Variants in MTSS2 observed in about 807,000 individuals in gnomAD.
The protein encoded by MTSS2 is protein MTSS 2.
A neutral mutation model predicts 67.1 loss-of-function variants in MTSS2; 27 were observed. That is an observed-to-expected ratio of 0.40 (90% CI 0.30 to 0.55). MTSS2 has a LOEUF of 0.55. Among genes scored for constraint, MTSS2 ranks in the 20% least tolerant of loss-of-function variants. The probability of loss-of-function intolerance (pLI) is 0.43; values close to 1 mark genes in which losing one functional copy is unlikely to be tolerated. For missense variants in MTSS2, 1,171 were observed against 1,067.8 expected (o/e 1.10, Z -1.35); for synonymous variants, 624 against 468.6 (o/e 1.33, Z -4.28).
chr16:70,678,260 G>A lies in MTSS2; in HGVS notation c.616C>T (p.Pro206Ser). ...GTCCCCAGGAGTCCCACCACCACAG[G>A]CTGCAGGAAGGTGATGAAGGTGCAG... ...RFCTFITFLQ[P>S]VVNGELTMLG... The change falls in exon 8 of 15, where the codon CCT (proline) becomes TCT (serine). Residue 206 changes from proline to serine, a missense_variant. Physicochemically the swap from Pro to Ser is moderately conservative, Grantham distance 74. Around this residue, in one of 2 missense-constraint regions of MTSS2, gnomAD observed 247 missense variants for 311.8 expected, o/e 0.79. Transcript: ENST00000338779. 6.2e-7 allele frequency: 1 copy of A among 1,608,384 alleles called. No homozygotes were observed. The highest frequency in any genetic ancestry group is 1.3e-5 in the African/African-American group (1 of 75,022).
At position 70,661,630 on chromosome 16, in the gene MTSS2, C is replaced by T. The variant is rs189943165; in HGVS notation, c.*2047G>A. The T allele has an allele frequency of 2.9e-3, 987 of 336,040 alleles. 10 individuals are homozygous for T. Among genetic ancestry groups the T allele is most frequent in the Admixed American group, 0.014 (319 of 23,324 alleles). 20.8% of individuals were successfully genotyped at this position (336,040 alleles called of 1,614,324 possible). Reference sequence around the variant, plus strand: ...GCCTATGAGGTGGTTGCTAAGTCGACGCAAGGGCGGCGGGGGTGGTCTCAG... The same window carrying T: ...GCCTATGAGGTGGTTGCTAAGTCGATGCAAGGGCGGCGGGGGTGGTCTCAG... On this transcript the variant is annotated 3_prime_UTR_variant, in exon 15 of 15. Transcript: ENST00000338779.
At chr16:70,674,224 A>C in intron 11 of MTSS2, 82 bp downstream of exon 11, 1 of 1,046,864 alleles carries the variant, frequency 9.6e-7, no homozygotes, top group Non-Finnish European at 1.4e-6. Context: ...CAACAGCTAT[A>C]GTAGTCCCGC....
chr16:70,685,692 C>T (rs1197092345), intron 1 of MTSS2, 31 bp downstream of exon 1: 1 of 1,261,642 alleles, frequency 7.9e-7, no homozygotes, highest in Non-Finnish European at 1.0e-6. Context: ...CACCCGTCGC[C>T]GCGCGCCCGG....
At chr16:70,673,892 T>G (rs1401373676) in intron 11 of MTSS2, among the ~76,000 whole-genome samples, 1 of 151,922 alleles carries the variant, frequency 6.6e-6, no homozygotes, top group Non-Finnish European at 1.5e-5. Context: ...GAATATAACT[T>G]ACAATCCAGC....
intron 11 of MTSS2, among the ~76,000 whole-genome samples, chr16:70,670,874 G>T (rs1379957542): frequency 6.6e-6 from 1 of 150,568 alleles, no homozygotes. Flanking sequence ...GGAGGCTGAG[G>T]CAGGAAGATT....
chr16:70,684,427 G>C (rs1006875908), intron 1 of MTSS2, among the ~76,000 whole-genome samples: 3 of 152,128 alleles, frequency 2.0e-5, no homozygotes, highest in African/African-American at 7.2e-5. Context: ...GGCCAGGCTG[G>C]CTTCAGGCCT....
rs1030854943 is a variant in MTSS2 at position 70,661,782 on chromosome 16, A to G, written c.*1895T>C. ...CTGGGTAGCCCCTGCCTCCTTTCCC[A>G]TCAGGACCTCTGACGCCCAGGTCTG... is the stretch of plus-strand genomic sequence containing the variant. On this transcript the variant is annotated 3_prime_UTR_variant, in exon 15 of 15. Transcript: ENST00000338779. 47 of 183,194 alleles carry G rather than the reference A, an allele frequency of 2.6e-4. No homozygotes were observed. Among genetic ancestry groups the G allele is most frequent in the Non-Finnish European group, 9.1e-5 (8 of 87,446 alleles). The allele number at this position is 183,194 out of a possible 1,614,324, so 11.3% of individuals were successfully genotyped here. A position where few individuals can be genotyped will look rare whatever the true frequency, so the allele number is the denominator to read the frequency against.
intron 10 of MTSS2, 41 bp downstream of exon 10, chr16:70,676,840 A>T (rs377530542): frequency 6.4e-7 from 1 of 1,566,640 alleles, no homozygotes; most frequent in South Asian, 1.1e-5. Flanking sequence ...TCCTCTTGGG[A>T]TACCGCCCCC....
At position 70,664,189 on chromosome 16, in the gene MTSS2, G is replaced by A; in HGVS notation, c.1732C>T (p.Leu578=). 1 of 1,599,780 alleles carries A rather than the reference G, an allele frequency of 6.3e-7. No individual in the cohort carries two copies. Among genetic ancestry groups the A allele is most frequent in the East Asian group, 2.2e-5 (1 of 44,702 alleles). Residue 578 remains leucine, a synonymous_variant, in exon 15 of 15, where the codon CTG becomes TTG. Transcript: ENST00000338779. ...ATGGGGATGGGGCCAGCGCTGGACA[G>A]GGCGCGGCGCACGGTGGGCTTGGTG... is the stretch of plus-strand genomic sequence containing the variant. The part of the protein sequence containing the change: ...PSTKPTVRRA[L]SSAGPIPIRP...
rs754694462 is a variant in MTSS2, at chr16:70,685,746, G to C, written c.46C>G (p.Gln16Glu). The change falls in exon 1 of 15, where the codon CAG becomes GAG. Residue 16 changes from glutamine to glutamate, a missense_variant. By Grantham distance (29) the Gln-to-Glu change is conservative. Transcript: ENST00000338779. ...KECGALGGLF[Q>E]AIVNDMKSSY... ...ACCTTCATGTCGTTGACTATGGCCT[G>C]GAAGAGCCCGCCCAGGGCGCCGCAC... 1.4e-6 allele frequency: 2 copies of C among 1,395,462 alleles called. No homozygotes were observed. The highest frequency in any genetic ancestry group is 1.9e-6 in the Non-Finnish European group (2 of 1,055,214). The allele number at this position is 1,395,462 out of a possible 1,614,324, so 86.4% of individuals were successfully genotyped here.
chr16:70,670,857 C>T (rs2052907547), intron 11 of MTSS2, among the ~76,000 whole-genome samples: 1 of 149,754 alleles, frequency 6.7e-6, no homozygotes, highest in South Asian at 2.1e-4. Context: ...GTAGTCCCAG[C>T]TAATTGGGAG....
rs1481869364 is a variant in MTSS2, at chr16:70,664,416, T to C, written c.1505A>G (p.Asp502Gly). Residue 502 changes from aspartate (D) to glycine (G), a missense_variant, in exon 15 of 15, where the codon GAT (aspartate) becomes GGT (glycine). Around this residue, in one of 2 missense-constraint regions of MTSS2, gnomAD observed 924 missense variants for 756.0 expected, o/e 1.22. Transcript: ENST00000338779. Reference protein sequence around the residue: ...SDYDCYSVNGDADSEGPPEFD... With the variant: ...SDYDCYSVNGGADSEGPPEFD... ...CTCGGGCGGGCCCTCGCTGTCCGCA[T>C]CCCCATTCACGGAGTAGCAGTCGTA... is the stretch of plus-strand genomic sequence containing the variant. The C allele has an allele frequency of 1.3e-6, 2 of 1,549,854 alleles. No homozygotes were observed. The highest frequency in any genetic ancestry group is 1.7e-6 in the Non-Finnish European group (2 of 1,152,184).
At chr16:70,677,635 G>A (rs138573337) in intron 9 of MTSS2, among the ~76,000 whole-genome samples, 157 bp downstream of exon 9, 2 of 152,286 alleles carry the variant, frequency 1.3e-5, no homozygotes, top group East Asian at 1.9e-4. Flanking sequence ...CAGGTGCTCC[G>A]GGATGGCCTG....
chr16:70,679,944 C>A, intron 4 of MTSS2, 27 bp downstream of exon 4: 1 of 1,485,122 alleles, frequency 6.7e-7, no homozygotes, highest in Non-Finnish European at 8.9e-7. Flanking sequence ...CCCCCCGCCC[C>A]CCTGCCCGCC....
chr16:70,664,882 A>C, intron 13 of MTSS2, 38 bp downstream of exon 13: 2 of 1,522,094 alleles, frequency 1.3e-6, no homozygotes, highest in Non-Finnish European at 1.8e-6. Flanking sequence ...GCCTCCTGGG[A>C]CTGACCTGGG....
chr16:70,679,093 T>C (rs2053213742), intron 7 of MTSS2, among the ~76,000 whole-genome samples: 1 of 152,074 alleles, frequency 6.6e-6, no homozygotes, highest in East Asian at 1.9e-4. Context: ...CAACCCCTCC[T>C]GGCCTGGCAG....
chr16:70,674,318 G>A lies in MTSS2; in HGVS notation c.1041C>T (p.Asp347=), dbSNP rs762237651. 6.2e-7 allele frequency: 1 copy of A among 1,613,646 alleles called. No individual in the cohort carries two copies. The highest frequency in any genetic ancestry group is 8.5e-7 in the Non-Finnish European group (1 of 1,179,930). ...AACGCCCCCTCACCTGGCTGGTGAT[G>A]TCTGAAGGCATAGGCGAGGGGGGCT... The part of the protein sequence containing the change: ...YSKPPSPMPS[D]ITSQKSSSSA... Residue 347 remains aspartate, a synonymous_variant, in exon 11 of 15, where the codon GAC becomes GAT. Transcript: ENST00000338779.
rs758953168 is a variant in MTSS2 at position 70,663,644 on chromosome 16, C to A, written c.*33G>T. On this transcript the variant is annotated 3_prime_UTR_variant, in exon 15 of 15. Coordinates refer to ENST00000338779, the MANE Select transcript of MTSS2 (RefSeq NM_138383.3). ...TCACAGACCAGGCCACCTGCTCGCA[C>A]TGGGGCCTGAGAGGATGGGGAGGGT... 8 of 1,529,410 alleles carry A rather than the reference C, an allele frequency of 5.2e-6. No homozygotes were observed. The Admixed American group carries it at 1.7e-4, about 32-fold the overall frequency. 94.7% of individuals were successfully genotyped at this position (1,529,410 alleles called of 1,614,324 possible). A position where few individuals can be genotyped will look rare whatever the true frequency, so the allele number is the denominator to read the frequency against.
chr16:70,663,770 G>C lies in MTSS2; in HGVS notation c.2151C>G (p.Asp717Glu). The change falls in exon 15 of 15, where the codon GAC (aspartate) becomes GAG (glutamate). Residue 717 changes from aspartate to glutamate, a missense_variant. Around this residue, in one of 2 missense-constraint regions of MTSS2, gnomAD observed 924 missense variants for 756.0 expected, o/e 1.22. Transcript: ENST00000338779. ...CCACCAGCATGTCTTCGGCCGGGGG[G>C]TCGCTGGTGGCGGCTGGGGGTGGGG... is the stretch of plus-strand genomic sequence containing the variant. Reference protein sequence around the residue: ...TPTPPPAATSDPPAEDMLVAI... With the variant: ...TPTPPPAATSEPPAEDMLVAI... The C allele has an allele frequency of 6.5e-7, 1 of 1,528,878 alleles. No homozygotes were observed. Among genetic ancestry groups the C allele is most frequent in the Non-Finnish European group, 8.8e-7 (1 of 1,140,004 alleles). 94.7% of individuals were successfully genotyped at this position (1,528,878 alleles called of 1,614,324 possible). A position where few individuals can be genotyped will look rare whatever the true frequency, so the allele number is the denominator to read the frequency against.
Sources: gnomAD v4.1 joint callset for allele counts (sites outside exome capture counted in the v4.1 genomes callset) on GRCh38, gnomAD v4.1.1 for gene constraint, gnomAD v4.1.1 regional missense constraint, MANE v1.5 for transcripts, NCBI Gene and HGNC (gene_info 2026-07-23, HGNC 2026-07-21) for gene names.